Variants in KDM3A observed in about 807,000 individuals in gnomAD.
The protein encoded by KDM3A is lysine-specific demethylase 3A.
A neutral mutation model predicts 158.0 loss-of-function variants in KDM3A; 60 were observed. That is an observed-to-expected ratio of 0.38 (90% CI 0.31 to 0.47). The LOEUF (loss-of-function observed/expected upper bound fraction) is 0.47. KDM3A is among the 20% of genes least tolerant of loss of function. The pLI, the probability that KDM3A is intolerant of heterozygous loss-of-function variation, is 0.99. For synonymous variants in KDM3A, 608 were observed against 549.3 expected (o/e 1.11, Z -1.49); for missense variants, 1,319 against 1,574.3 (o/e 0.84, Z 2.74).
intron 12 of KDM3A, among the ~76,000 whole-genome samples, chr2:86,475,780 G>A (rs996415847): frequency 6.6e-6 from 1 of 152,110 alleles, no homozygotes; most frequent in Non-Finnish European, 1.5e-5. Flanking sequence ...TATTCCTCTG[G>A]TGTGTCTCTT....
intron 17 of KDM3A, 77 bp from the exon 18 acceptor site, chr2:86,482,381 A>G (rs990019777): frequency 5.1e-6 from 8 of 1,565,848 alleles, no homozygotes; most frequent in South Asian, 1.2e-5. Context: ...TATGTAATCT[A>G]TACTCATTAT....
intron 10 of KDM3A, among the ~76,000 whole-genome samples, chr2:86,468,069 A>G (rs1396411084): frequency 1.3e-5 from 2 of 151,984 alleles, no homozygotes; most frequent in African/African-American, 2.4e-5. Context: ...CAATTTATTT[A>G]TTTGGATCAG....
chr2:86,476,062 C>G (rs1673645576), intron 12 of KDM3A, among the ~76,000 whole-genome samples: 2 of 152,126 alleles, frequency 1.3e-5, no homozygotes, highest in African/African-American at 4.8e-5. Flanking sequence ...AGTGGAGACT[C>G]TAAGTCAAGA....
chr2:86,448,223 T>C (rs1683032821), intron 2 of KDM3A, among the ~76,000 whole-genome samples: 1 of 152,216 alleles, frequency 6.6e-6, no homozygotes, highest in African/African-American at 2.4e-5. Flanking sequence ...ATGCATGTTT[T>C]GTTGGCTGAG....
intron 15 of KDM3A, 121 bp downstream of exon 15, chr2:86,478,856 A>G: frequency 1.1e-6 from 1 of 904,406 alleles, no homozygotes. Flanking sequence ...ATCAAGTGGA[A>G]AGAGAGAGAG....
At chr2:86,456,939 A>G in intron 7 of KDM3A, 44 bp from the exon 8 acceptor site, 2 of 1,571,458 alleles carry the variant, frequency 1.3e-6, no homozygotes, top group Middle Eastern at 1.7e-4. Flanking sequence ...TCTCACATTA[A>G]GAGAAACAGG....
chr2:86,442,941 A>G (rs1311980387), intron 2 of KDM3A, among the ~76,000 whole-genome samples: 1 of 152,112 alleles, frequency 6.6e-6, no homozygotes, highest in Admixed American at 6.5e-5. Flanking sequence ...AAGTGCGGCC[A>G]GTGATTTTTT....
rs771659588 is a variant in KDM3A at position 86,482,021 on chromosome 2, G to A, written c.2604G>A (p.Thr868=). ...GCAAATCCAGCACAGTCCTCCATAC[G>A]TTTAACAGCACAATTTTGACACCCG... ...PLSKSSTVLH[T]FNSTILTPVS... Residue 868 remains threonine, a synonymous_variant, in exon 17 of 26, where the codon ACG becomes ACA. Coordinates refer to ENST00000312912, the MANE Select transcript of KDM3A (RefSeq NM_018433.6). The A allele has an allele frequency of 3.7e-6, 6 of 1,614,004 alleles. No individual in the cohort carries two copies. Among genetic ancestry groups the A allele is most frequent in the South Asian group, 3.3e-5 (3 of 91,078 alleles).
In KDM3A at chr2:86,489,330, C is replaced by T; in HGVS notation, c.3326C>T (p.Pro1109Leu). 1 of 1,613,802 alleles carries T rather than the reference C, an allele frequency of 6.2e-7. No individual in the cohort carries two copies. Among genetic ancestry groups the T allele is most frequent in the Non-Finnish European group, 8.5e-7 (1 of 1,179,836 alleles). The change falls in exon 22 of 26, where the codon CCT becomes CTT. Residue 1109 changes from proline (P) to leucine (L), a missense_variant. Transcript: ENST00000312912. ...TTTGTTTTTGCAGGATTAATCACTC[C>T]TGAAGATCGGAAATATGGAACAACA... ...KMYNAYGLIT[P>L]EDRKYGTTNL...
upstream of KDM3A, among the ~76,000 whole-genome samples, chr2:86,439,053 C>CAG (rs149115471): frequency 1.3e-3 from 197 of 151,856 alleles, no homozygotes; most frequent in African/African-American, 4.4e-3. Flanking sequence ...TTCTGTGGTA[C>CAG]GTAACTTATA....
intron 9 of KDM3A, among the ~76,000 whole-genome samples, chr2:86,465,994 C>T (rs1221548281): frequency 6.7e-6 from 1 of 149,242 alleles, no homozygotes; most frequent in Non-Finnish European, 1.5e-5. Context: ...CCTACACAGA[C>T]TTCTGGTTTT....
At position 86,442,046 on chromosome 2, in the gene KDM3A, C is replaced by G. The variant is rs1682744675; in HGVS notation, c.-2C>G. ...GGAGCTCTTCCTGCAGGCGTGGAAACCATGGTGCTCACGCTCGGAGAAAGT... is the reference window on the plus strand; with the variant it reads ...GGAGCTCTTCCTGCAGGCGTGGAAAGCATGGTGCTCACGCTCGGAGAAAGT... On this transcript the variant is annotated 5_prime_UTR_variant, in exon 2 of 26. Transcript: ENST00000312912. 4 of 1,611,650 alleles carry G rather than the reference C, an allele frequency of 2.5e-6. No homozygotes were observed. The highest frequency in any genetic ancestry group is 1.7e-5 in the Admixed American group (1 of 59,920).
intron 8 of KDM3A, among the ~76,000 whole-genome samples, chr2:86,458,116 G>C (rs571374295): frequency 8.5e-5 from 13 of 152,284 alleles, no homozygotes; most frequent in African/African-American, 3.1e-4. Flanking sequence ...AAATGGCATG[G>C]GGAGTGGGCC....
At chr2:86,480,931 G>A (rs1435071247) in intron 16 of KDM3A, among the ~76,000 whole-genome samples, 1 of 152,122 alleles carries the variant, frequency 6.6e-6, no homozygotes, top group African/African-American at 2.4e-5. Flanking sequence ...CATCAATACT[G>A]CTCATTATTT....
intron 11 of KDM3A, among the ~76,000 whole-genome samples, chr2:86,474,277 A>G (rs1164020404): frequency 1.3e-5 from 2 of 152,066 alleles, no homozygotes; most frequent in Non-Finnish European, 2.9e-5. Context: ...AGTGTTTTTA[A>G]TCTTCCTACT....
At position 86,464,190 on chromosome 2, in the gene KDM3A, T is replaced by C; in HGVS notation, c.981T>C (p.Pro327=). 6.2e-7 allele frequency: 1 copy of C among 1,606,126 alleles called. No homozygotes were observed. The part of the protein sequence containing the change: ...QSTPQAANSP[P]NLGAKIPQGC... Reference sequence around the variant, plus strand: ...CTCCCCAGGCTGCCAACTCTCCACCTAACCTTGGAGCAAAAATTCCTCAAG... The same window carrying C: ...CTCCCCAGGCTGCCAACTCTCCACCCAACCTTGGAGCAAAAATTCCTCAAG... Residue 327 remains proline, a synonymous_variant, in exon 9 of 26, where the codon CCT becomes CCC. Transcript: ENST00000312912.
intron 8 of KDM3A, 133 bp from the exon 9 acceptor site, chr2:86,463,920 T>G (rs1673026839): frequency 1.7e-6 from 1 of 572,392 alleles, no homozygotes; most frequent in Non-Finnish European, 2.9e-6. Context: ...TTGTTTCACT[T>G]TCCTGTTTCT....
chr2:86,485,595 A>G lies in KDM3A; in HGVS notation c.3183-134A>G, dbSNP rs946449628. The G allele has an allele frequency of 5.6e-5, 56 of 1,008,784 alleles. No individual in the cohort carries two copies. In the African/African-American group the frequency reaches 6.7e-4, roughly 12 times the overall value. The allele number at this position is 1,008,784 out of a possible 1,614,324, so 62.5% of individuals were successfully genotyped here. A position where few individuals can be genotyped will look rare whatever the true frequency, so the allele number is the denominator to read the frequency against. ...GTAACTGCTGTACTTCTCATCTTAA[A>G]TATTTGATGGCTGTCAGTCTGCATG... On this transcript the variant is annotated intron_variant, in intron 20 of 25. Coordinates refer to ENST00000312912, the MANE Select transcript of KDM3A (RefSeq NM_018433.6).
intron 9 of KDM3A, among the ~76,000 whole-genome samples, 163 bp downstream of exon 9, chr2:86,464,379 G>C (rs1673049806): frequency 6.6e-6 from 1 of 152,170 alleles, no homozygotes; most frequent in African/African-American, 2.4e-5. Flanking sequence ...AAGGCACACA[G>C]AGCAACATAG....
Sources: gnomAD v4.1 joint callset for allele counts (sites outside exome capture counted in the v4.1 genomes callset) on GRCh38, gnomAD v4.1.1 for gene constraint, MANE v1.5 for transcripts, NCBI Gene and HGNC (gene_info 2026-07-23, HGNC 2026-07-21) for gene names.